ZFHX3: variants seen among roughly 807,000 people sequenced by gnomAD.
ZFHX3 encodes the protein zinc finger homeobox protein 3.
A neutral mutation model predicts 279.1 loss-of-function variants in ZFHX3; 42 were observed. That is an observed-to-expected ratio of 0.15 (90% CI 0.12 to 0.19). ZFHX3 has a LOEUF of 0.19. ZFHX3 is among the 10% of genes least tolerant of loss of function. The pLI is 1.00. For synonymous variants in ZFHX3, 2,293 were observed against 1,957.8 expected (o/e 1.17, Z -4.52); for missense variants, 4,981 against 4,754.0 (o/e 1.05, Z -1.40).
At chr16:73,088,636 G>C (rs948855958) in intron 8 of ZFHX3, among the ~76,000 whole-genome samples, 3 of 152,182 alleles carry the variant, frequency 2.0e-5, no homozygotes, top group African/African-American at 7.2e-5. Context: ...TTGGGGATCA[G>C]GTAGGTACGG....
At chr16:73,616,288 T>TA (rs2052300090) in intron 2 of ZFHX3, among the ~76,000 whole-genome samples, 1 of 150,742 alleles carries the variant, frequency 6.6e-6, no homozygotes, top group South Asian at 2.2e-4. Flanking sequence ...CAAGTTAGTC[T>TA]AAAATCACGG....
At chr16:73,285,868 C>T (rs180896355) in intron 4 of ZFHX3, among the ~76,000 whole-genome samples, 46 of 152,268 alleles carry the variant, frequency 3.0e-4, no homozygotes, top group African/African-American at 8.9e-4. Context: ...CACACGCTTC[C>T]GCACAACACC....
chr16:73,508,727 G>T (rs140624968), intron 2 of ZFHX3, among the ~76,000 whole-genome samples: 1 of 152,138 alleles, frequency 6.6e-6, no homozygotes, highest in Non-Finnish European at 1.5e-5. Context: ...CAGATGCAGT[G>T]GTATATATTA....
chr16:72,788,748 C>T lies in ZFHX3; in HGVS notation c.9528G>A (p.Ala3176=), dbSNP rs774646209. The T allele has an allele frequency of 4.5e-5, 71 of 1,583,320 alleles. No individual in the cohort carries two copies. The highest frequency in any genetic ancestry group is 9.4e-5 in the South Asian group (8 of 85,356). ...GTGCTGGGGTTGGGGAGCTCAGCGA[C>T]GCTGAGGACGGTTTATTTGGTAATC... is the stretch of plus-strand genomic sequence containing the variant. ...TSGLPNKPSS[A]SLSSPTPAQA... Residue 3176 remains alanine (A), a synonymous_variant, in exon 10 of 10, where the codon GCG becomes GCA. Transcript: ENST00000268489.
chr16:72,784,743 TG>T lies in ZFHX3; in HGVS notation c.*2420del, dbSNP rs1359777194. ...GACACCTTATGCTACAACTGGATAC[TG>T]GTATGAATAGTTAGATGGTATTCTT... On this transcript the variant is annotated 3_prime_UTR_variant, in exon 10 of 10. Transcript: ENST00000268489. 6.6e-6 allele frequency: 1 copy of T among 152,552 alleles called. No individual in the cohort carries two copies. The highest frequency in any genetic ancestry group is 2.4e-5 in the African/African-American group (1 of 41,432). 9.4% of individuals were successfully genotyped at this position (152,552 alleles called of 1,614,324 possible). A position where few individuals can be genotyped will look rare whatever the true frequency, so the allele number is the denominator to read the frequency against.
intron 3 of ZFHX3, among the ~76,000 whole-genome samples, chr16:73,366,880 G>A (rs75792594): frequency 0.036 from 5,405 of 152,166 alleles, 420 homozygotes; most frequent in East Asian, 0.33. Context: ...ATTTTTGGTT[G>A]GGATTCTAAA....
At chr16:73,364,004 C>A (rs752408202) in intron 3 of ZFHX3, among the ~76,000 whole-genome samples, 1 of 152,100 alleles carries the variant, frequency 6.6e-6, no homozygotes, top group African/African-American at 2.4e-5. Context: ...GAAACCCCGT[C>A]TCTACTAAAA....
intron 3 of ZFHX3, among the ~76,000 whole-genome samples, chr16:73,332,949 T>TTTCC (rs2015834469): frequency 1.3e-5 from 2 of 152,190 alleles, no homozygotes; most frequent in African/African-American, 4.8e-5. Flanking sequence ...TCCTTTCTTT[T>TTTCC]TTCCTTCATT....
intron 1 of ZFHX3, among the ~76,000 whole-genome samples, chr16:73,870,769 G>A (rs1302763383): frequency 6.6e-6 from 1 of 152,168 alleles, no homozygotes; most frequent in Non-Finnish European, 1.5e-5. Flanking sequence ...TGCTCTCCCT[G>A]TATTAGCTAT....
chr16:73,312,303 C>T (rs2015345823), intron 4 of ZFHX3, among the ~76,000 whole-genome samples: 1 of 152,112 alleles, frequency 6.6e-6, no homozygotes, highest in Non-Finnish European at 1.5e-5. Context: ...GACATATGTG[C>T]TGTGCATGGG....
chr16:73,287,249 G>A lies in ZFHX3; in HGVS notation c.-1193-30113C>T, dbSNP rs533136226. Among the ~76,000 whole-genome samples the A allele has an allele frequency of 3.6e-4, 53 of 148,774 alleles. 1 individual carries two copies. The highest frequency in any genetic ancestry group is 1.2e-3 in the African/African-American group (48 of 40,398). On this transcript the variant is annotated intron_variant, in intron 4 of 17. Transcript: ENST00000641206. Reference sequence around the variant, plus strand: ...TGGCTGTGTGGGTCAGTGTATGGGTGTGTGGGTGTGTAGGCCAGTGTGTGG... The same window carrying A: ...TGGCTGTGTGGGTCAGTGTATGGGTATGTGGGTGTGTAGGCCAGTGTGTGG...
intron 5 of ZFHX3, among the ~76,000 whole-genome samples, chr16:73,249,408 T>C (rs1383782369): frequency 6.6e-6 from 1 of 152,194 alleles, no homozygotes; most frequent in East Asian, 1.9e-4. Flanking sequence ...CAGTTCCAAA[T>C]GGCTGGGGAG....
chr16:72,936,196 T>C (rs1375029666), intron 3 of ZFHX3, among the ~76,000 whole-genome samples: 1 of 152,208 alleles, frequency 6.6e-6, no homozygotes, highest in Non-Finnish European at 1.5e-5. Context: ...TACACCAACA[T>C]ATGCCTTAGG....
chr16:72,984,915 A>T (rs899108645), intron 1 of ZFHX3, among the ~76,000 whole-genome samples: 10 of 152,224 alleles, frequency 6.6e-5, no homozygotes, highest in Non-Finnish European at 1.3e-4. Context: ...ATATATTTAT[A>T]TAAATATGCA....
At chr16:72,985,957 T>A (rs570493673) in intron 1 of ZFHX3, among the ~76,000 whole-genome samples, 123 of 152,178 alleles carry the variant, frequency 8.1e-4, no homozygotes, top group African/African-American at 2.6e-3. Context: ...AATTGCAGGG[T>A]CCCTGCAAGA....
intron 3 of ZFHX3, among the ~76,000 whole-genome samples, chr16:72,934,688 G>A (rs998166041): frequency 6.8e-6 from 1 of 146,878 alleles, no homozygotes; most frequent in African/African-American, 2.6e-5. Flanking sequence ...TCTTGTGTCC[G>A]CATTTGACGG....
At chr16:73,066,983 T>C (rs1161072390) in intron 8 of ZFHX3, among the ~76,000 whole-genome samples, 1 of 151,972 alleles carries the variant, frequency 6.6e-6, no homozygotes, top group Non-Finnish European at 1.5e-5. Context: ...AGCCAAGGCC[T>C]GGGGAGGGAA....
intron 2 of ZFHX3, among the ~76,000 whole-genome samples, chr16:73,652,983 G>T (rs2052685607): frequency 6.6e-6 from 1 of 151,808 alleles, no homozygotes; most frequent in Admixed American, 6.6e-5. Context: ...GTTTATAAAA[G>T]ACATATCTAC....
chr16:73,856,838 A>T (rs150736294), intron 1 of ZFHX3, among the ~76,000 whole-genome samples: 8 of 152,368 alleles, frequency 5.3e-5, no homozygotes, highest in Non-Finnish European at 1.0e-4. Context: ...AGAAAACTAG[A>T]ACAAACCCAG....
Sources: allele counts gnomAD v4.1 joint callset (sites outside exome capture counted in the v4.1 genomes callset), GRCh38; gene constraint gnomAD v4.1.1; transcripts MANE v1.5; gene names NCBI Gene and HGNC (gene_info 2026-07-23, HGNC 2026-07-21).